Variants in MIB1 observed in about 807,000 individuals in gnomAD.
The protein encoded by MIB1 is MIB E3 ubiquitin protein ligase 1.
A neutral mutation model predicts 124.5 loss-of-function variants in MIB1; 278 were observed. The ratio of observed to expected loss-of-function variants is 2.23; its 90% CI spans 2.02 to 2.47. MIB1 has a LOEUF of 2.47. Ranked by LOEUF, MIB1 falls within the 30% of genes most tolerant of loss-of-function variation. The pLI is 0.00. For missense variants in MIB1, 957 were observed against 1,254.4 expected (o/e 0.76, Z 3.58); for synonymous variants, 446 against 429.4 (o/e 1.04, Z -0.48).
intron 1 of MIB1, among the ~76,000 whole-genome samples, chr18:21,727,015 G>T (rs539882442): frequency 1.7e-4 from 26 of 152,210 alleles, no homozygotes; most frequent in African/African-American, 6.3e-4. Flanking sequence ...CTGGCCCTTG[G>T]CTCCACACTC....
At chr18:21,731,116 G>A (rs943745162) in intron 1 of MIB1, among the ~76,000 whole-genome samples, 1 of 152,164 alleles carries the variant, frequency 6.6e-6, no homozygotes, top group African/African-American at 2.4e-5. Context: ...GACGCTCTCT[G>A]GGTTTATTCC....
chr18:21,856,499 C>T (rs909610570), intron 18 of MIB1, among the ~76,000 whole-genome samples: 18 of 152,000 alleles, frequency 1.2e-4, no homozygotes, highest in Non-Finnish European at 1.5e-5. Context: ...AATAATTGTT[C>T]ATTGTATTTT....
intron 17 of MIB1, 91 bp downstream of exon 17, chr18:21,849,479 G>A: frequency 6.0e-6 from 4 of 670,874 alleles, no homozygotes; most frequent in South Asian, 7.6e-5. Flanking sequence ...ATGCGTCTGT[G>A]TAATTTTGCT....
intron 17 of MIB1, among the ~76,000 whole-genome samples, chr18:21,850,966 G>A (rs1322901217): frequency 6.6e-6 from 1 of 152,070 alleles, no homozygotes; most frequent in Admixed American, 6.6e-5. Context: ...CTGTTTTATA[G>A]TCAAGACAAA....
chr18:21,775,481 G>A (rs746188723), intron 4 of MIB1, among the ~76,000 whole-genome samples: 14 of 152,114 alleles, frequency 9.2e-5, no homozygotes, highest in Non-Finnish European at 1.5e-4. Flanking sequence ...AGTTCCAAGC[G>A]ATCCCCCACC....
intron 10 of MIB1, among the ~76,000 whole-genome samples, 161 bp downstream of exon 10, chr18:21,804,175 G>A (rs947449121): frequency 6.6e-6 from 1 of 152,126 alleles, no homozygotes; most frequent in Non-Finnish European, 1.5e-5. Context: ...AACAGTTCTT[G>A]TCTTTCTGTG....
At chr18:21,817,739 C>G (rs1216650298) in intron 11 of MIB1, 1 of 416,262 alleles carries the variant, frequency 2.4e-6, no homozygotes, top group Non-Finnish European at 4.8e-6. Flanking sequence ...GGAGATGAAG[C>G]TGGGTCTGGT....
At chr18:21,781,391 A>G (rs1231995740) in intron 6 of MIB1, among the ~76,000 whole-genome samples, 5 of 69,968 alleles carry the variant, frequency 7.1e-5, no homozygotes, top group East Asian at 7.5e-4. Flanking sequence ...ATATATATAT[A>G]TATATATATA....
intron 10 of MIB1, among the ~76,000 whole-genome samples, chr18:21,804,222 A>G (rs1269857139): frequency 2.0e-5 from 3 of 152,200 alleles, no homozygotes; most frequent in Non-Finnish European, 4.4e-5. Flanking sequence ...AGGTAAAGAT[A>G]GGAGTTGAGT....
At chr18:21,783,383 C>T (rs1004324369) in intron 6 of MIB1, among the ~76,000 whole-genome samples, 3 of 152,062 alleles carry the variant, frequency 2.0e-5, no homozygotes, top group Non-Finnish European at 4.4e-5. Context: ...GCTGGGACTA[C>T]AGGTGCCCTC....
intron 10 of MIB1, among the ~76,000 whole-genome samples, chr18:21,811,722 T>G (rs1454067492): frequency 6.6e-6 from 1 of 152,056 alleles, no homozygotes; most frequent in African/African-American, 2.4e-5. Flanking sequence ...GAATAGGGTG[T>G]AGAGTTTCAG....
chr18:21,779,926 T>G (rs144722351), intron 6 of MIB1, among the ~76,000 whole-genome samples: 2 of 152,028 alleles, frequency 1.3e-5, no homozygotes, highest in Non-Finnish European at 2.9e-5. Context: ...TGAGGATGTT[T>G]ATGATACAGT....
At chr18:21,859,886 CAAAAA>C (rs934260189) in intron 20 of MIB1, among the ~76,000 whole-genome samples, 185 of 28,364 alleles carry the variant, frequency 6.5e-3, no homozygotes, top group Middle Eastern at 0.025. Flanking sequence ...GAGACTGTCT[CAAAAA>C]AAAAAAAAAA....
intron 11 of MIB1, among the ~76,000 whole-genome samples, chr18:21,818,458 T>C (rs2041850160): frequency 6.6e-6 from 1 of 152,186 alleles, no homozygotes; most frequent in Admixed American, 6.5e-5. Context: ...CACTGGTTTT[T>C]GTCATTAGTT....
intron 15 of MIB1, among the ~76,000 whole-genome samples, chr18:21,846,579 GGAAA>G (rs1287205205): frequency 6.6e-6 from 1 of 152,174 alleles, no homozygotes; most frequent in Admixed American, 6.5e-5. Context: ...AAATTAATTA[GGAAA>G]GAGAGTACTG....
intron 10 of MIB1, among the ~76,000 whole-genome samples, chr18:21,810,050 A>C (rs571830355): frequency 6.6e-6 from 1 of 152,282 alleles, no homozygotes; most frequent in African/African-American, 2.4e-5. Flanking sequence ...AAACACAGAA[A>C]TCAGTTGTAT....
intron 1 of MIB1, among the ~76,000 whole-genome samples, chr18:21,748,404 TC>T (rs2040935786): frequency 9.9e-6 from 1 of 100,706 alleles, no homozygotes; most frequent in African/African-American, 3.9e-5. Context: ...CCTCCCTCTC[TC>T]CCTCTCTCCC....
Position 21,819,525 on chromosome 18 carries a change from G to A in MIB1, c.1708G>A (p.Ala570Thr), listed in dbSNP as rs2041860475. Residue 570 changes from alanine to threonine, a missense_variant, in exon 12 of 21, where the codon GCA (alanine) becomes ACA (threonine). Coordinates refer to ENST00000261537, the MANE Select transcript of MIB1 (RefSeq NM_020774.4). ...TGAAGGTGATACCCCTCTTCATGAT[G>A]CAATAAGTAAGAAACGTGATGATAT... ...DSEGDTPLHD[A>T]ISKKRDDILA... The A allele has an allele frequency of 1.2e-6, 2 of 1,608,110 alleles. No individual in the cohort carries two copies. Among genetic ancestry groups the A allele is most frequent in the Non-Finnish European group, 8.5e-7 (1 of 1,176,610 alleles).
At chr18:21,847,539 A>G (rs556782111) in intron 16 of MIB1, among the ~76,000 whole-genome samples, 1 of 152,232 alleles carries the variant, frequency 6.6e-6, no homozygotes, top group East Asian at 1.9e-4. Flanking sequence ...TGTGTTGCCC[A>G]GGTTGGGCTT....
Sources: gnomAD v4.1 joint callset for allele counts (sites outside exome capture counted in the v4.1 genomes callset) on GRCh38, gnomAD v4.1.1 for gene constraint, MANE v1.5 for transcripts, NCBI Gene and HGNC (gene_info 2026-07-23, HGNC 2026-07-21) for gene names.